DRD2: variants seen among roughly 807,000 people sequenced by gnomAD.
DRD2 encodes the protein dopamine receptor D2, also known as D(2) dopamine receptor.
In DRD2, 8 loss-of-function variants were observed where a neutral mutation model predicts 38.0. That is an observed-to-expected ratio of 0.21 (90% CI 0.12 to 0.38). The LOEUF (loss-of-function observed/expected upper bound fraction) is 0.38, where lower values mean the gene tolerates loss of function less well. Ranked by LOEUF, DRD2 falls within the 10% of genes least tolerant of loss-of-function variation. DRD2 has a pLI of 1.00. For missense variants in DRD2, 403 were observed against 607.7 expected, an observed-to-expected ratio of 0.66 and a Z score of 3.54; for synonymous variants, 230 against 238.6, an observed-to-expected ratio of 0.96 and a Z score of 0.33.
chr11:113,474,307 A>G, intron 1 of DRD2: 1 of 152,228 alleles, frequency 6.6e-6, no homozygotes. Context: ...TGGTGCTTAG[A>G]GGTGTCTCTT....
chr11:113,473,728 T>C (rs1010326058), intron 1 of DRD2, among the ~76,000 whole-genome samples: 23 of 152,188 alleles, frequency 1.5e-4, no homozygotes, highest in African/African-American at 5.5e-4. Flanking sequence ...GAAAGCAGCT[T>C]GCTGATTTTC....
intron 1 of DRD2, among the ~76,000 whole-genome samples, chr11:113,467,636 C>G (rs1415770812): frequency 1.3e-5 from 2 of 152,178 alleles, no homozygotes; most frequent in Non-Finnish European, 2.9e-5. Context: ...TGTGCCAGAG[C>G]AACATACCAT....
intron 1 of DRD2, among the ~76,000 whole-genome samples, chr11:113,457,950 C>T (rs1364240560): frequency 6.6e-6 from 1 of 152,266 alleles, no homozygotes; most frequent in African/African-American, 2.4e-5. Flanking sequence ...GGGTGGGACA[C>T]AGCAGGCCAG....
chr11:113,442,948 C>T (rs996870299), intron 1 of DRD2, among the ~76,000 whole-genome samples: 2 of 152,128 alleles, frequency 1.3e-5, no homozygotes, highest in Non-Finnish European at 2.9e-5. Flanking sequence ...CTGGTTCTGT[C>T]CCCCTCTTTT....
chr11:113,452,457 TGTGTGTGTGTGTGCGCGCGC>T (rs1272561213), intron 1 of DRD2, among the ~76,000 whole-genome samples: 2 of 99,944 alleles, frequency 2.0e-5, no homozygotes, highest in Admixed American at 1.3e-4. Context: ...TGTGTGTGTG[TGTGTGTGTGTGTGCGCGCGC>T]GCGCGCGCGC....
At chr11:113,415,375 T>C (rs755950380) in intron 5 of DRD2, 46 bp downstream of exon 5, 5 of 1,567,720 alleles carry the variant, frequency 3.2e-6, no homozygotes, top group African/African-American at 2.7e-5. Flanking sequence ...CTCTTGGTAA[T>C]GGTTAGGTGG....
intron 2 of DRD2, among the ~76,000 whole-genome samples, chr11:113,418,678 C>T (rs1249981096): frequency 1.3e-5 from 2 of 152,162 alleles, no homozygotes; most frequent in Non-Finnish European, 2.9e-5. Context: ...CACACACACA[C>T]CAAGACAATA....
In DRD2 at chr11:113,464,945, G is replaced by A. The variant is rs560724238; in HGVS notation, c.-32+10131C>T. 2.1e-3 allele frequency among the ~76,000 whole-genome samples: 315 copies of A among 152,120 alleles called. 2 individuals are homozygous for A. Among genetic ancestry groups the A allele is most frequent in the African/African-American group, 6.8e-3 (283 of 41,478 alleles). ...AGCCCATCAATCACTGAGTTCTGGC[G>A]AATTTAAGATATCTTTTCAGGTCTT... On this transcript the variant is annotated intron_variant, in intron 1 of 7. Transcript: ENST00000362072.
chr11:113,434,919 C>T (rs1367886356), intron 1 of DRD2, among the ~76,000 whole-genome samples: 1 of 152,158 alleles, frequency 6.6e-6, no homozygotes, highest in Non-Finnish European at 1.5e-5. Flanking sequence ...CAGTTCCTTG[C>T]CCAGCTATCG....
intron 1 of DRD2, among the ~76,000 whole-genome samples, chr11:113,437,896 C>T (rs1009811660): frequency 6.6e-6 from 1 of 152,162 alleles, no homozygotes; most frequent in Non-Finnish European, 1.5e-5. Flanking sequence ...AGAGGAGGGG[C>T]AACATGGGCA....
At chr11:113,474,964 C>A (rs1234651508) in intron 1 of DRD2, 112 bp downstream of exon 1, 1 of 152,170 alleles carries the variant, frequency 6.6e-6, no homozygotes, top group Admixed American at 6.5e-5. Flanking sequence ...CCCGAGCAGG[C>A]GGCCAGGAGT....
intron 1 of DRD2, among the ~76,000 whole-genome samples, chr11:113,432,032 A>T (rs1950992012): frequency 6.6e-6 from 1 of 152,186 alleles, no homozygotes; most frequent in African/African-American, 2.4e-5. Context: ...TTTCCCAGTC[A>T]CGCCCCAAAA....
intron 1 of DRD2, among the ~76,000 whole-genome samples, chr11:113,458,477 A>C (rs1951287738): frequency 2.0e-5 from 3 of 152,232 alleles, no homozygotes; most frequent in South Asian, 2.1e-4. Flanking sequence ...AGGCCACAGG[A>C]TCACCCTGGC....
intron 1 of DRD2, among the ~76,000 whole-genome samples, chr11:113,447,194 G>A (rs999233889): frequency 2.0e-5 from 3 of 152,164 alleles, no homozygotes; most frequent in South Asian, 2.1e-4. Flanking sequence ...CGGGAGGCCC[G>A]CTGGGCTGCA....
At position 113,433,018 on chromosome 11, in the gene DRD2, G is replaced by A. The variant is rs111374336; in HGVS notation, c.-31-8336C>T. On this transcript the variant is annotated intron_variant, in intron 1 of 7. Transcript: ENST00000362072. ...AGGCGGCTGCAGACCTTGGGTTGCCGAGGGTGGGAGTGGGTAGATGGACAG... is the reference window on the plus strand; with the variant it reads ...AGGCGGCTGCAGACCTTGGGTTGCCAAGGGTGGGAGTGGGTAGATGGACAG... 3.3e-4 allele frequency among the ~76,000 whole-genome samples: 50 copies of A among 152,306 alleles called. No homozygotes were observed. The East Asian group carries it at 4.1e-3, about 12-fold the overall frequency.
chr11:113,455,336 T>G (rs1951259212), intron 1 of DRD2, among the ~76,000 whole-genome samples: 1 of 152,132 alleles, frequency 6.6e-6, no homozygotes, highest in African/African-American at 2.4e-5. Flanking sequence ...CACTCCAGCC[T>G]GGGTGACAGA....
intron 1 of DRD2, chr11:113,474,183 G>A (rs554474555): frequency 1.3e-5 from 2 of 152,466 alleles, no homozygotes; most frequent in East Asian, 3.9e-4. Flanking sequence ...GCTGTGACTT[G>A]TGTCCATGGT....
intron 1 of DRD2, among the ~76,000 whole-genome samples, chr11:113,432,557 C>T (rs1184281055): frequency 6.6e-6 from 1 of 152,156 alleles, no homozygotes; most frequent in South Asian, 2.1e-4. Context: ...GTGAGACACT[C>T]CTGTCTTAAA....
intron 1 of DRD2, among the ~76,000 whole-genome samples, chr11:113,466,437 A>T (rs35206875): frequency 0.79 from 119,510 of 151,764 alleles, 49,615 homozygotes; most frequent in Middle Eastern, 0.94. Context: ...CCCCCAGTGC[A>T]TTTTCTCCAT....
Sources: gnomAD v4.1 joint callset for allele counts (sites outside exome capture counted in the v4.1 genomes callset) on GRCh38, gnomAD v4.1.1 for gene constraint, MANE v1.5 for transcripts, NCBI Gene and HGNC (gene_info 2026-07-23, HGNC 2026-07-21) for gene names.